DARS1: variants seen among roughly 807,000 people sequenced by gnomAD.
The protein encoded by DARS1 is aspartyl-tRNA synthetase 1.
Under a neutral mutation model 68.8 loss-of-function variants are expected in DARS1, and 51 were observed. The ratio of observed to expected loss-of-function variants is 0.74; its 90% CI spans 0.59 to 0.94. DARS1 has a LOEUF of 0.94. Among genes scored for constraint, DARS1 ranks in the 40% least tolerant of loss-of-function variants. The probability of loss-of-function intolerance (pLI) is 0.00; values close to 1 mark genes in which losing one functional copy is unlikely to be tolerated. For synonymous variants in DARS1, 203 were observed against 190.4 expected (o/e 1.07, Z -0.55); for missense variants, 607 against 597.3 (o/e 1.02, Z -0.17).
At chr2:135,971,386 CA>C (rs979106121) in intron 3 of DARS1, among the ~76,000 whole-genome samples, 4 of 152,030 alleles carry the variant, frequency 2.6e-5, no homozygotes, top group Admixed American at 1.3e-4. Context: ...TGATAAAGTT[CA>C]AATCCCTTCA....
rs148674457 is a variant in DARS1, at chr2:135,955,008, T to A, written c.320+6388A>T. ...TAAAATATAACAGAAATCCTATATA[T>A]TGATGTATTCTGATTGTCTTGTTAA... On this transcript the variant is annotated intron_variant, in intron 4 of 15. Transcript: ENST00000264161. Among the ~76,000 whole-genome samples, 785 of 152,136 alleles carry A rather than the reference T, an allele frequency of 5.2e-3. 7 individuals carry two copies. Among genetic ancestry groups the A allele is most frequent in the African/African-American group, 0.018 (729 of 41,514 alleles).
chr2:135,918,919 A>G (rs1681055575), intron 10 of DARS1, among the ~76,000 whole-genome samples: 1 of 152,210 alleles, frequency 6.6e-6, no homozygotes, highest in Admixed American at 6.5e-5. Context: ...AAAGATATAA[A>G]AAGAAAAAGG....
chr2:135,944,360 T>G (rs116471228), intron 4 of DARS1, among the ~76,000 whole-genome samples: 2,154 of 152,284 alleles, frequency 0.014, 42 homozygotes, highest in African/African-American at 0.039. Context: ...AAAATTCTAT[T>G]CATTCTGATG....
chr2:135,952,152 G>T (rs1681851442), intron 4 of DARS1, among the ~76,000 whole-genome samples: 1 of 152,192 alleles, frequency 6.6e-6, no homozygotes, highest in Non-Finnish European at 1.5e-5. Context: ...GCTGACGCAG[G>T]AGAATCGCTT....
At chr2:135,946,813 C>A (rs566196560) in intron 4 of DARS1, among the ~76,000 whole-genome samples, 1 of 152,142 alleles carries the variant, frequency 6.6e-6, no homozygotes, top group Admixed American at 6.5e-5. Flanking sequence ...TTGACTCTGA[C>A]GAGTCCTCCT....
At position 135,920,480 on chromosome 2, in the gene DARS1, A is replaced by T. The variant is rs763888946; in HGVS notation, c.932T>A (p.Val311Glu). 1.2e-6 allele frequency: 2 copies of T among 1,613,594 alleles called. No homozygotes were observed. The highest frequency in any genetic ancestry group is 3.3e-5 in the Admixed American group (2 of 59,996). The change falls in exon 10 of 16, where the codon GTA becomes GAA. Residue 311 changes from valine (V) to glutamate (E), a missense_variant. Coordinates refer to ENST00000264161, the MANE Select transcript of DARS1 (RefSeq NM_001349.4). ...TTCTTGAAGTCCTTTGAATATTTGT[A>T]CCATGGTGTCAGCAATTTCTTCCAT... ...EVMEEIADTMVQIFKGLQERF... is the reference protein window; with the variant it reads ...EVMEEIADTMEQIFKGLQERF...
At chr2:135,944,579 A>G (rs1396409114) in intron 4 of DARS1, among the ~76,000 whole-genome samples, 1 of 152,200 alleles carries the variant, frequency 6.6e-6, no homozygotes, top group African/African-American at 2.4e-5. Flanking sequence ...CTAACTTAAA[A>G]AAAAAAAATC....
At chr2:135,940,029 CA>C (rs1681562038) in intron 5 of DARS1, among the ~76,000 whole-genome samples, 2 of 151,962 alleles carry the variant, frequency 1.3e-5, no homozygotes, top group South Asian at 4.1e-4. Flanking sequence ...GCCTACCAAC[CA>C]AAAAAAGTCC....
chr2:135,942,667 T>C (rs777064202), intron 5 of DARS1, among the ~76,000 whole-genome samples: 1 of 151,746 alleles, frequency 6.6e-6, no homozygotes, highest in East Asian at 1.9e-4. Context: ...AAAGGAAAAG[T>C]AAAAATGGAA....
chr2:135,907,791 T>C (rs542868894), intron 15 of DARS1, among the ~76,000 whole-genome samples: 1 of 152,334 alleles, frequency 6.6e-6, no homozygotes, highest in South Asian at 2.1e-4. Context: ...AGCCATAAAC[T>C]TGCTTAAGCA....
intron 4 of DARS1, among the ~76,000 whole-genome samples, chr2:135,957,612 T>C (rs984564928): frequency 1.3e-5 from 2 of 152,204 alleles, no homozygotes; most frequent in African/African-American, 2.4e-5. Context: ...ACGGCCCATT[T>C]TGGCCTCCCA....
At chr2:135,933,879 A>C (rs1483273207) in intron 6 of DARS1, 31 bp downstream of exon 6, 5 of 1,601,570 alleles carry the variant, frequency 3.1e-6, no homozygotes, top group Non-Finnish European at 4.3e-6. Context: ...TATACAGCGG[A>C]AGCATAATAT....
At chr2:135,940,232 C>T (rs899792029) in intron 5 of DARS1, among the ~76,000 whole-genome samples, 2 of 152,152 alleles carry the variant, frequency 1.3e-5, no homozygotes, top group Non-Finnish European at 2.9e-5. Context: ...ACCAATATCC[C>T]TGATGAACAT....
intron 3 of DARS1, among the ~76,000 whole-genome samples, chr2:135,975,412 G>C (rs1211356792): frequency 6.6e-6 from 1 of 151,940 alleles, no homozygotes; most frequent in Non-Finnish European, 1.5e-5. Flanking sequence ...ATAAAGAAAA[G>C]TGCAAGTTAT....
chr2:135,923,193 C>T (rs1681141332), intron 8 of DARS1, among the ~76,000 whole-genome samples: 1 of 152,036 alleles, frequency 6.6e-6, no homozygotes. Context: ...ATTAAAGCCC[C>T]TTTGGAGTTG....
At chr2:135,957,571 A>C (rs1034986544) in intron 4 of DARS1, among the ~76,000 whole-genome samples, 2 of 152,178 alleles carry the variant, frequency 1.3e-5, no homozygotes, top group African/African-American at 4.8e-5. Context: ...CATGTTGGCC[A>C]GGCTGGTCTC....
chr2:135,927,885 T>C (rs936433490), intron 7 of DARS1, among the ~76,000 whole-genome samples: 3 of 152,210 alleles, frequency 2.0e-5, no homozygotes, highest in Admixed American at 2.0e-4. Context: ...TTCTGTATTA[T>C]GTGAAAGATC....
chr2:135,920,708 C>T, intron 9 of DARS1, 108 bp from the exon 10 acceptor site: 1 of 1,361,538 alleles, frequency 7.3e-7, no homozygotes, highest in Non-Finnish European at 9.6e-7. Flanking sequence ...GTATTATTTT[C>T]ATATTACAGG....
chr2:135,916,200 G>A lies in DARS1; in HGVS notation c.1106+26C>T, dbSNP rs200732172. On this transcript the variant is annotated intron_variant, in intron 11 of 15. Transcript: ENST00000264161. ...CTGCACATGGATCCTGGAACTTAAA[G>A]TAAAAAAAAAGCCACAAAGACAAAC... 4 of 1,445,130 alleles carry A rather than the reference G, an allele frequency of 2.8e-6. No individual in the cohort carries two copies. In the East Asian group the frequency reaches 9.1e-5, roughly 33 times the overall value. 89.5% of individuals were successfully genotyped at this position (1,445,130 alleles called of 1,614,324 possible).
Sources: allele counts gnomAD v4.1 joint callset (sites outside exome capture counted in the v4.1 genomes callset), GRCh38; gene constraint gnomAD v4.1.1; transcripts MANE v1.5; gene names NCBI Gene and HGNC (gene_info 2026-07-23, HGNC 2026-07-21).